PRKG1: variants seen among roughly 807,000 people sequenced by gnomAD.
PRKG1 encodes the protein protein kinase cGMP-dependent 1, also known as cGMP-dependent protein kinase 1.
Under a neutral mutation model 88.1 loss-of-function variants are expected in PRKG1, and 35 were observed. That is an observed-to-expected ratio of 0.40 (90% CI 0.30 to 0.53). The LOEUF is 0.53. PRKG1 is among the 20% of genes least tolerant of loss of function. The pLI is 0.59. For missense variants in PRKG1, 540 were observed against 839.8 expected (o/e 0.64, Z 4.41); for synonymous variants, 303 against 292.5 (o/e 1.04, Z -0.37).
chr10:52,133,688 A>C, intron 7 of PRKG1, 152 bp from the exon 8 acceptor site: 1 of 581,364 alleles, frequency 1.7e-6, no homozygotes, highest in East Asian at 3.0e-5. Context: ...ATTCCTCAAA[A>C]AAAATTTTGA....
intron 8 of PRKG1, among the ~76,000 whole-genome samples, chr10:52,139,368 G>A (rs1282447026): frequency 6.6e-6 from 1 of 152,010 alleles, no homozygotes; most frequent in African/African-American, 2.4e-5. Context: ...TAACTCTTTA[G>A]CCACAACAGC....
chr10:51,169,906 C>T lies in PRKG1; in HGVS notation c.478+16576C>T, dbSNP rs534074140. On this transcript the variant is annotated intron_variant, in intron 2 of 17. Transcript: ENST00000373980. ...CTTCCCTACTAGATTCTGCACTCAC[C>T]ACTTCATACTTCTGGCTCAACTTCC... is the stretch of plus-strand genomic sequence containing the variant. Among the ~76,000 whole-genome samples, 6 of 152,170 alleles carry T rather than the reference C, an allele frequency of 3.9e-5. No homozygotes were observed. In the East Asian group the frequency reaches 1.2e-3, roughly 29 times the overall value.
chr10:51,278,436 T>C (rs569261745), intron 2 of PRKG1, among the ~76,000 whole-genome samples: 6 of 152,210 alleles, frequency 3.9e-5, no homozygotes, highest in African/African-American at 1.2e-4. Flanking sequence ...GTGTCTCTGC[T>C]AGGCTTTGGT....
At chr10:51,316,283 T>C (rs1024482286) in intron 2 of PRKG1, among the ~76,000 whole-genome samples, 27 of 152,220 alleles carry the variant, frequency 1.8e-4, no homozygotes, top group Non-Finnish European at 2.9e-5. Context: ...ATAATTATGA[T>C]AAATCAAATG....
intron 5 of PRKG1, among the ~76,000 whole-genome samples, chr10:52,045,738 T>C (rs2133238078): frequency 6.6e-6 from 1 of 152,206 alleles, no homozygotes; most frequent in Admixed American, 6.6e-5. Flanking sequence ...TTGTCCACAT[T>C]TGGGTTTCTA....
At chr10:52,192,420 A>T (rs1208132906) in intron 9 of PRKG1, among the ~76,000 whole-genome samples, 2 of 152,116 alleles carry the variant, frequency 1.3e-5, no homozygotes, top group African/African-American at 2.4e-5. Flanking sequence ...ATAATTTTTT[A>T]AAATAAATAT....
At chr10:52,162,804 A>G (rs1044630522) in intron 9 of PRKG1, among the ~76,000 whole-genome samples, 8 of 152,276 alleles carry the variant, frequency 5.3e-5, no homozygotes, top group African/African-American at 1.9e-4. Context: ...CAATAAAATT[A>G]TGTTATTTTC....
At chr10:51,743,920 C>T (rs1327296799) in intron 3 of PRKG1, among the ~76,000 whole-genome samples, 1 of 150,744 alleles carries the variant, frequency 6.6e-6, no homozygotes, top group Non-Finnish European at 1.5e-5. Context: ...TTTAACTCCC[C>T]TTGTTCTTTT....
At chr10:51,346,963 A>C (rs929952219) in intron 2 of PRKG1, among the ~76,000 whole-genome samples, 1 of 152,170 alleles carries the variant, frequency 6.6e-6, no homozygotes, top group Non-Finnish European at 1.5e-5. Context: ...AATGGGCTTC[A>C]AAGCTCAGTA....
chr10:52,123,201 A>G (rs1209978621), intron 7 of PRKG1, among the ~76,000 whole-genome samples: 1 of 152,212 alleles, frequency 6.6e-6, no homozygotes, highest in African/African-American at 2.4e-5. Flanking sequence ...AAAATGTGAA[A>G]ATTGAATTCT....
chr10:51,257,959 C>T (rs990449311), intron 2 of PRKG1, among the ~76,000 whole-genome samples: 1 of 152,012 alleles, frequency 6.6e-6, no homozygotes, highest in East Asian at 1.9e-4. Flanking sequence ...AATATATGTC[C>T]CCTATTGGAA....
At chr10:51,317,273 C>A (rs1841345637) in intron 2 of PRKG1, among the ~76,000 whole-genome samples, 1 of 152,254 alleles carries the variant, frequency 6.6e-6, no homozygotes, top group East Asian at 1.9e-4. Context: ...CCTCTTACAA[C>A]CTACATACTA....
chr10:51,941,769 C>T (rs889289552), intron 5 of PRKG1, among the ~76,000 whole-genome samples: 4 of 151,892 alleles, frequency 2.6e-5, no homozygotes, highest in African/African-American at 9.7e-5. Flanking sequence ...CATGTCCCTA[C>T]AAAGGACATG....
intron 7 of PRKG1, among the ~76,000 whole-genome samples, chr10:52,094,169 G>A (rs1847121013): frequency 6.6e-6 from 1 of 152,058 alleles, no homozygotes; most frequent in Non-Finnish European, 1.5e-5. Flanking sequence ...AAATATTCTT[G>A]TAGTTGTATT....
chr10:52,276,774 G>A (rs1432854309), intron 12 of PRKG1, among the ~76,000 whole-genome samples: 1 of 152,080 alleles, frequency 6.6e-6, no homozygotes, highest in African/African-American at 2.4e-5. Flanking sequence ...AATTTACATT[G>A]TCATTTCCAA....
intron 1 of PRKG1, among the ~76,000 whole-genome samples, chr10:51,142,281 G>A (rs1845838277): frequency 6.6e-6 from 1 of 152,146 alleles, no homozygotes; most frequent in Non-Finnish European, 1.5e-5. Flanking sequence ...CTTCTGTAAT[G>A]TAGAGAATGA....
chr10:51,375,500 C>T (rs1324343225), intron 2 of PRKG1, among the ~76,000 whole-genome samples: 11 of 151,886 alleles, frequency 7.2e-5, no homozygotes, highest in Admixed American at 2.6e-4. Flanking sequence ...ATCTGAAATC[C>T]AAAATGTTCC....
Position 51,969,977 on chromosome 10 carries a change from T to G in PRKG1, c.762+62407T>G, listed in dbSNP as rs550879438. 2.0e-5 allele frequency among the ~76,000 whole-genome samples: 3 copies of G among 151,148 alleles called. No homozygotes were observed. In the East Asian group the frequency reaches 5.8e-4, roughly 29 times the overall value. ...ATCAATTGCTAAATTTTACTCTGTT[T>G]GCTTTATTTGCCCATTCTCTTCATA... On this transcript the variant is annotated intron_variant, in intron 5 of 17. Transcript: ENST00000373980.
chr10:51,250,843 A>G (rs1839408643), intron 2 of PRKG1, among the ~76,000 whole-genome samples: 1 of 151,112 alleles, frequency 6.6e-6, no homozygotes, highest in African/African-American at 2.4e-5. Context: ...CTCCTAGTGT[A>G]TGTGAAGCCC....
Sources: gnomAD v4.1 joint callset for allele counts (sites outside exome capture counted in the v4.1 genomes callset) on GRCh38, gnomAD v4.1.1 for gene constraint, MANE v1.5 for transcripts, NCBI Gene and HGNC (gene_info 2026-07-23, HGNC 2026-07-21) for gene names.